Variants in BBS9 observed in about 807,000 individuals in gnomAD.
BBS9 encodes protein PTHB1.
A neutral mutation model predicts 117.7 loss-of-function variants in BBS9; 89 were observed. The observed-to-expected ratio is 0.76, with a 90% CI of 0.64 to 0.90. The LOEUF is 0.90. BBS9 is among the 40% of genes least tolerant of loss of function. The probability of loss-of-function intolerance (pLI) is 0.00; values close to 1 mark genes in which losing one functional copy is unlikely to be tolerated. For missense variants in BBS9, 982 were observed against 1,042.2 expected, an observed-to-expected ratio of 0.94 and a Z score of 0.80; for synonymous variants, 379 against 370.9, an observed-to-expected ratio of 1.02 and a Z score of -0.25.
intron 16 of BBS9, among the ~76,000 whole-genome samples, chr7:33,360,544 A>C (rs1218041646): frequency 1.4e-5 from 2 of 144,920 alleles, no homozygotes; most frequent in African/African-American, 5.1e-5. Flanking sequence ...TTTTTGAGAC[A>C]GGGTCTCATT....
chr7:33,471,339 T>A (rs1435952856), intron 19 of BBS9, among the ~76,000 whole-genome samples: 1 of 152,228 alleles, frequency 6.6e-6, no homozygotes, highest in African/African-American at 2.4e-5. Flanking sequence ...ATGTTGGAAT[T>A]GATTTTGGCT....
chr7:33,270,012 ACT>A (rs1431064206), intron 7 of BBS9, among the ~76,000 whole-genome samples: 1 of 113,096 alleles, frequency 8.8e-6, no homozygotes, highest in Non-Finnish European at 1.7e-5. Flanking sequence ...ACAGAGCAAG[ACT>A]CTGTCTCAAA....
At chr7:33,508,571 G>A (rs1383857051) in intron 20 of BBS9, among the ~76,000 whole-genome samples, 1 of 152,208 alleles carries the variant, frequency 6.6e-6, no homozygotes, top group Non-Finnish European at 1.5e-5. Context: ...AAGGAGAAAG[G>A]GGGCATGCAT....
chr7:33,469,006 T>G (rs1027141675), intron 19 of BBS9, among the ~76,000 whole-genome samples: 14 of 151,734 alleles, frequency 9.2e-5, no homozygotes, highest in African/African-American at 3.4e-4. Flanking sequence ...TTCCTTTTTT[T>G]TTTTTTTGTG....
intron 2 of BBS9, among the ~76,000 whole-genome samples, chr7:33,150,522 T>C (rs1336323944): frequency 6.6e-6 from 1 of 152,046 alleles, no homozygotes; most frequent in Non-Finnish European, 1.5e-5. Flanking sequence ...ATGGGAGTGT[T>C]CTGTGAAAGG....
chr7:33,418,112 A>G lies in BBS9; in HGVS notation c.2115+29968A>G, dbSNP rs1832301136. Among the ~76,000 whole-genome samples, 3 of 152,182 alleles carry G rather than the reference A, an allele frequency of 2.0e-5. No homozygotes were observed. In the South Asian group the frequency reaches 6.2e-4, roughly 32 times the overall value. On this transcript the variant is annotated intron_variant, in intron 19 of 22. Transcript: ENST00000242067. ...AGAATGAATTACTACAGCCCTTGGC[A>G]TCTTGGGAGGAAATTTAAAATGAGC...
intron 9 of BBS9, among the ~76,000 whole-genome samples, chr7:33,316,834 A>G (rs902400731): frequency 6.6e-6 from 1 of 151,984 alleles, no homozygotes; most frequent in Non-Finnish European, 1.5e-5. Flanking sequence ...ATGGCTATTC[A>G]TTTTTTCACA....
chr7:33,507,482 G>C (rs902242696), intron 20 of BBS9, among the ~76,000 whole-genome samples: 3 of 152,172 alleles, frequency 2.0e-5, no homozygotes, highest in African/African-American at 4.8e-5. Context: ...GACCTCAAGT[G>C]ATCCTTCTGC....
chr7:33,440,503 G>A (rs1836000679), intron 19 of BBS9, among the ~76,000 whole-genome samples: 1 of 152,130 alleles, frequency 6.6e-6, no homozygotes, highest in East Asian at 1.9e-4. Flanking sequence ...GGTGCTTGGT[G>A]GGGATGCTAC....
At chr7:33,399,194 A>G (rs1457041478) in intron 19 of BBS9, among the ~76,000 whole-genome samples, 5 of 151,948 alleles carry the variant, frequency 3.3e-5, no homozygotes, top group African/African-American at 1.2e-4. Flanking sequence ...TCCTCATTTT[A>G]TATTGTTTCT....
intron 21 of BBS9, among the ~76,000 whole-genome samples, chr7:33,565,872 C>G (rs916131383): frequency 1.5e-3 from 102 of 67,578 alleles, no homozygotes; most frequent in Admixed American, 3.3e-3. Flanking sequence ...ATATATATAG[C>G]TATAAATAAA....
chr7:33,486,505 T>C (rs1843132103), intron 19 of BBS9, among the ~76,000 whole-genome samples: 1 of 152,246 alleles, frequency 6.6e-6, no homozygotes, highest in Admixed American at 6.5e-5. Flanking sequence ...TGTTAAGAAT[T>C]ACTCTTTAAA....
chr7:33,294,876 T>G (rs1562951822), intron 9 of BBS9, among the ~76,000 whole-genome samples: 1 of 152,212 alleles, frequency 6.6e-6, no homozygotes, highest in Non-Finnish European at 1.5e-5. Flanking sequence ...GCAAGTGGTT[T>G]TCTTGATAAT....
Position 33,341,091 on chromosome 7 carries a change from C to T in BBS9, c.1275+118C>T, listed in dbSNP as rs1816445484. The T allele has an allele frequency of 5.0e-6, 4 of 807,566 alleles. No individual in the cohort carries two copies. The Admixed American group carries it at 8.0e-5, about 16-fold the overall frequency. 50.0% of individuals were successfully genotyped at this position (807,566 alleles called of 1,614,324 possible). ...CAAGTAGACACTTCAGGGAGGATAA[C>T]AAATTGTAGGCCTTGTTATTTTCTA... On this transcript the variant is annotated intron_variant, in intron 11 of 22. Transcript: ENST00000242067.
chr7:33,599,746 A>G (rs1175333285), intron 21 of BBS9, among the ~76,000 whole-genome samples: 2 of 152,200 alleles, frequency 1.3e-5, no homozygotes, highest in Non-Finnish European at 2.9e-5. Flanking sequence ...AAAAGTTTTT[A>G]AAGTAATAAC....
chr7:33,519,087 G>C (rs1848232166), intron 20 of BBS9, among the ~76,000 whole-genome samples: 1 of 151,414 alleles, frequency 6.6e-6, no homozygotes, highest in South Asian at 2.1e-4. Context: ...AAAGAGAGGA[G>C]AGAAAAAAAG....
At chr7:33,388,183 A>G (rs1479830306) in intron 19 of BBS9, 39 bp downstream of exon 19, 4 of 1,607,458 alleles carry the variant, frequency 2.5e-6, no homozygotes, top group South Asian at 1.1e-5. Context: ...ATTACTGGCT[A>G]TACTTTTTTT....
intron 19 of BBS9, among the ~76,000 whole-genome samples, chr7:33,427,952 C>G (rs1167090362): frequency 6.6e-6 from 1 of 152,024 alleles, no homozygotes; most frequent in Non-Finnish European, 1.5e-5. Context: ...ACCCCCAGGC[C>G]AGGTAATTAG....
Position 33,477,289 on chromosome 7 carries a change from A to T in BBS9, c.2116-28174A>T, listed in dbSNP as rs139376440. 5.9e-3 allele frequency among the ~76,000 whole-genome samples: 897 copies of T among 152,296 alleles called. 11 individuals are homozygous for T. The highest frequency in any genetic ancestry group is 0.021 in the African/African-American group (860 of 41,562). On this transcript the variant is annotated intron_variant, in intron 19 of 22. Coordinates refer to ENST00000242067, the MANE Select transcript of BBS9 (RefSeq NM_198428.3). ...TACCCTTATATTCTAGCCATAACTG[A>T]TTGAGCCAGGCAGTCACTTTGAAGA...
Sources: gnomAD v4.1 joint callset for allele counts (sites outside exome capture counted in the v4.1 genomes callset) on GRCh38, gnomAD v4.1.1 for gene constraint, MANE v1.5 for transcripts, NCBI Gene and HGNC (gene_info 2026-07-23, HGNC 2026-07-21) for gene names.